The following KANSL1 variants were observed in gnomAD, a reference collection of about 807,000 sequenced individuals.
KANSL1 encodes MLL1/MLL complex subunit KANSL1.
A neutral mutation model predicts 103.6 loss-of-function variants in KANSL1; 22 were observed. The ratio of observed to expected loss-of-function variants is 0.21; its 90% CI spans 0.15 to 0.30. The LOEUF is 0.30. KANSL1 is among the 10% of genes least tolerant of loss of function. KANSL1 has a pLI of 1.00. For missense variants in KANSL1, 1,337 were observed against 1,399.8 expected, an observed-to-expected ratio of 0.96 and a Z score of 0.72; for synonymous variants, 600 against 527.6, an observed-to-expected ratio of 1.14 and a Z score of -1.88.
intron 3 of KANSL1, among the ~76,000 whole-genome samples, chr17:46,088,874 G>A (rs1031697931): frequency 6.6e-6 from 1 of 152,188 alleles, no homozygotes; most frequent in Non-Finnish European, 1.5e-5. Context: ...GGGCAACAGA[G>A]CAAGACCCTG....
chr17:46,121,304 C>T (rs1421502242), intron 2 of KANSL1: 1 of 152,582 alleles, frequency 6.6e-6, no homozygotes, highest in East Asian at 1.9e-4. Context: ...CTAGGTTCCA[C>T]ACAACCTGTC....
upstream of KANSL1, among the ~76,000 whole-genome samples, chr17:46,198,779 T>G (rs1490548090): frequency 6.6e-6 from 1 of 152,238 alleles, no homozygotes; most frequent in Non-Finnish European, 1.5e-5. Context: ...TTTTCATTCA[T>G]GAACTTAGAT....
At chr17:46,119,328 T>C (rs930269220) in intron 2 of KANSL1, among the ~76,000 whole-genome samples, 1 of 151,822 alleles carries the variant, frequency 6.6e-6, no homozygotes, top group East Asian at 1.9e-4. Flanking sequence ...TTTTTCTTTT[T>C]TTTTTTTTTG....
chr17:46,170,162 CA>C (rs1166270923), intron 2 of KANSL1: 2 of 150,956 alleles, frequency 1.3e-5, no homozygotes, highest in African/African-American at 2.4e-5. Flanking sequence ...CAAAACAAAA[CA>C]AAAAACAACA....
At position 46,058,710 on chromosome 17, in the gene KANSL1, AACACACACAC is replaced by A. The variant is rs749406954; in HGVS notation, c.1848+7817_1848+7826del. ...CACTAATTGGAAAAGCCAGATTTAA[AACACACACAC>A]ACACACACACACACACACACACACT... On this transcript the variant is annotated intron_variant, in intron 6 of 14. Transcript: ENST00000432791. Among the ~76,000 whole-genome samples the A allele has an allele frequency of 1.8e-3, 230 of 124,502 alleles. 4 individuals carry two copies. In the East Asian group the frequency reaches 0.038, roughly 21 times the overall value. The allele number at this position is 124,502 out of a possible 152,430, so 81.7% of individuals were successfully genotyped here. A position where few individuals can be genotyped will look rare whatever the true frequency, so the allele number is the denominator to read the frequency against.
intron 10 of KANSL1, among the ~76,000 whole-genome samples, chr17:46,036,705 T>C (rs970152509): frequency 3.3e-5 from 5 of 151,876 alleles, no homozygotes; most frequent in African/African-American, 9.7e-5. Context: ...AGCCTGCTGT[T>C]ATCTGGCCTA....
intron 2 of KANSL1, among the ~76,000 whole-genome samples, chr17:46,159,211 G>C (rs2045601170): frequency 6.6e-6 from 1 of 152,284 alleles, no homozygotes; most frequent in East Asian, 1.9e-4. Context: ...TATGACAACA[G>C]CCTTTCCCAT....
At chr17:46,127,642 G>A (rs2147246338) in intron 2 of KANSL1, among the ~76,000 whole-genome samples, 1 of 152,216 alleles carries the variant, frequency 6.6e-6, no homozygotes, top group East Asian at 1.9e-4. Flanking sequence ...AGGCATGGTG[G>A]TGGCACACTC....
intron 1 of KANSL1, among the ~76,000 whole-genome samples, chr17:46,176,556 C>A (rs1401631478): frequency 6.6e-6 from 1 of 151,956 alleles, no homozygotes; most frequent in Non-Finnish European, 1.5e-5. Context: ...CTGAGTGTGG[C>A]GGCGAGCGCC....
intron 4 of KANSL1, among the ~76,000 whole-genome samples, chr17:46,079,681 T>C (rs1169109806): frequency 3.3e-5 from 5 of 152,204 alleles, no homozygotes; most frequent in African/African-American, 1.2e-4. Context: ...ACTATATATT[T>C]AGGAATTATG....
At chr17:46,189,460 A>T (rs993525329) in intron 1 of KANSL1, among the ~76,000 whole-genome samples, 2 of 152,224 alleles carry the variant, frequency 1.3e-5, no homozygotes, top group Admixed American at 1.3e-4. Context: ...AGAAAAAAAT[A>T]GCCCCTACCC....
At chr17:46,178,756 GAAT>G (rs1374742348) in intron 1 of KANSL1, among the ~76,000 whole-genome samples, 1 of 152,198 alleles carries the variant, frequency 6.6e-6, no homozygotes, top group Non-Finnish European at 1.5e-5. Flanking sequence ...GCATCATACT[GAAT>G]ATGCAAATGT....
intron 2 of KANSL1, among the ~76,000 whole-genome samples, chr17:46,152,171 A>C (rs2045143001): frequency 1.3e-5 from 2 of 152,244 alleles, no homozygotes; most frequent in African/African-American, 2.4e-5. Context: ...GGGAATTGGC[A>C]TTGCTGGCAA....
intron 2 of KANSL1, among the ~76,000 whole-genome samples, chr17:46,112,808 G>C (rs567586697): frequency 1.3e-5 from 2 of 151,276 alleles, no homozygotes; most frequent in Non-Finnish European, 1.5e-5. Context: ...TACAACCTCC[G>C]CCTCCCAAGT....
chr17:46,166,146 G>A (rs2045983603), intron 2 of KANSL1, among the ~76,000 whole-genome samples: 2 of 150,708 alleles, frequency 1.3e-5, no homozygotes, highest in Admixed American at 6.6e-5. Flanking sequence ...CTGGGAGGTG[G>A]AGATTGCAGT....
Position 46,068,589 on chromosome 17 carries a change from A to AAC in KANSL1, c.1534-924_1534-923dup, listed in dbSNP as rs549275970. Among the ~76,000 whole-genome samples, 252 of 152,052 alleles carry AAC rather than the reference A, an allele frequency of 1.7e-3. 1 individual carries two copies. Among genetic ancestry groups the AAC allele is most frequent in the African/African-American group, 5.7e-3 (236 of 41,486 alleles). On this transcript the variant is annotated intron_variant, in intron 4 of 14. Coordinates refer to ENST00000432791, the MANE Select transcript of KANSL1 (RefSeq NM_015443.4). Reference sequence around the variant, plus strand: ...GTCTCAATGAATAAATAAATAAATAAACACACACACACATTTTTCCCTGAC... The same window carrying AAC: ...GTCTCAATGAATAAATAAATAAATAAACACACACACACACATTTTTCCCTGAC...
At chr17:46,054,179 A>C (rs2077831278) in intron 6 of KANSL1, among the ~76,000 whole-genome samples, 1 of 152,146 alleles carries the variant, frequency 6.6e-6, no homozygotes, top group Non-Finnish European at 1.5e-5. Context: ...TAGCCTACCA[A>C]GTAGCTGGGA....
At chr17:46,160,595 A>G (rs1310797525) in intron 2 of KANSL1, among the ~76,000 whole-genome samples, 2 of 152,090 alleles carry the variant, frequency 1.3e-5, no homozygotes, top group African/African-American at 4.8e-5. Flanking sequence ...CGCCCATATA[A>G]CCCATCCAAC....
intron 6 of KANSL1, among the ~76,000 whole-genome samples, chr17:46,054,936 C>T (rs1351409659): frequency 2.6e-5 from 4 of 151,414 alleles, no homozygotes; most frequent in East Asian, 2.0e-4. Context: ...CTGCAAGCTC[C>T]GCCTCCTAGC....
Sources: gnomAD v4.1 joint callset for allele counts (sites outside exome capture counted in the v4.1 genomes callset) on GRCh38, gnomAD v4.1.1 for gene constraint, MANE v1.5 for transcripts, NCBI Gene and HGNC (gene_info 2026-07-23, HGNC 2026-07-21) for gene names.